CABYR: variants seen among roughly 807,000 people sequenced by gnomAD.
The protein encoded by CABYR is calcium binding tyrosine phosphorylation regulated.
A neutral mutation model predicts 36.1 loss-of-function variants in CABYR; 31 were observed. The observed-to-expected ratio is 0.86, with a 90% CI of 0.64 to 1.16. The LOEUF (loss-of-function observed/expected upper bound fraction) is 1.16. Among genes scored for constraint, CABYR ranks in the 50% most tolerant of loss-of-function variants. CABYR has a pLI of 0.00. For synonymous variants in CABYR, 146 were observed against 160.7 expected (o/e 0.91, Z 0.69); for missense variants, 429 against 455.8 (o/e 0.94, Z 0.53).
intron 4 of CABYR, chr18:24,156,811 G>T (rs772026581): frequency 6.2e-7 from 1 of 1,614,036 alleles, no homozygotes; most frequent in South Asian, 1.1e-5. Context: ...GAGGAGTCTG[G>T]GGAAAACTCT....
intron 4 of CABYR, among the ~76,000 whole-genome samples, chr18:24,158,546 G>C (rs1191150461): frequency 6.6e-6 from 1 of 152,100 alleles, no homozygotes; most frequent in Admixed American, 6.6e-5. Flanking sequence ...TCGAACTCCC[G>C]ACCTCAGGTG....
In CABYR at chr18:24,155,226, G is replaced by A. The variant is rs575805710; in HGVS notation, c.200-475G>A. Among the ~76,000 whole-genome samples, 10 of 151,916 alleles carry A rather than the reference G, an allele frequency of 6.6e-5. No individual in the cohort carries two copies. In the East Asian group the frequency reaches 1.9e-3, roughly 29 times the overall value. On this transcript the variant is annotated intron_variant, in intron 3 of 5. Transcript: ENST00000399496. ...AGTTTGATCAGGAGCTTTTTCCATGGAGGTTTTCAGCTTCCTTAGTTCTAG... is the reference window on the plus strand; with the variant it reads ...AGTTTGATCAGGAGCTTTTTCCATGAAGGTTTTCAGCTTCCTTAGTTCTAG...
intron 3 of CABYR, among the ~76,000 whole-genome samples, 187 bp downstream of exon 3, chr18:24,143,600 G>C (rs1037317388): frequency 6.6e-6 from 1 of 151,972 alleles, no homozygotes; most frequent in African/African-American, 2.4e-5. Flanking sequence ...GGAGTGCAGC[G>C]GCGCCGTCAT....
chr18:24,155,404 C>A (rs2085752977), intron 3 of CABYR, among the ~76,000 whole-genome samples: 1 of 152,196 alleles, frequency 6.6e-6, no homozygotes, highest in Non-Finnish European at 1.5e-5. Context: ...ATTACCCACA[C>A]TACAGATGTT....
At chr18:24,145,871 C>A (rs1435256512) in intron 3 of CABYR, among the ~76,000 whole-genome samples, 2 of 152,294 alleles carry the variant, frequency 1.3e-5, no homozygotes, top group Admixed American at 1.3e-4. Flanking sequence ...AGGTCATACA[C>A]TCTGAATGTG....
At chr18:24,150,760 GTTTTTTTGTTTTTTTGTTTTTTGT>G (rs2085602679) in intron 3 of CABYR, 1 of 114,534 alleles carries the variant, frequency 8.7e-6, no homozygotes, top group African/African-American at 4.2e-5. Flanking sequence ...CCCACCTCCA[GTTTTTTTGTTTTTTTGTTTTTTGT>G]TTTTTTTTTT....
At chr18:24,148,917 G>T (rs1037602606) in intron 3 of CABYR, among the ~76,000 whole-genome samples, 1 of 152,164 alleles carries the variant, frequency 6.6e-6, no homozygotes, top group African/African-American at 2.4e-5. Flanking sequence ...AGCTTCCACA[G>T]TGTGGAAGGG....
intron 3 of CABYR, among the ~76,000 whole-genome samples, chr18:24,153,551 GC>G (rs2085692918): frequency 1.3e-5 from 2 of 152,094 alleles, no homozygotes; most frequent in African/African-American, 4.8e-5. Flanking sequence ...TGTGATGGCA[GC>G]CTATTCTTTC....
Position 24,155,816 on chromosome 18 carries a change from AGAC to A in CABYR, c.318_320del (p.Asp106del). The stretch of plus-strand genomic sequence containing the variant: ...CCCAGATGGAAAAATCTACAGACAC[AGAC>A]GAGGACAATGTAACCAGAACAGAAT... On this transcript the variant is annotated inframe_deletion, in exon 4 of 6. Transcript: ENST00000399496. 6.2e-7 allele frequency: 1 copy of A among 1,614,214 alleles called. No homozygotes were observed. Among genetic ancestry groups the A allele is most frequent in the East Asian group, 2.2e-5 (1 of 44,884 alleles).
In CABYR at chr18:24,156,588, G is replaced by A. The variant is rs761634323; in HGVS notation, c.541+546G>A. On this transcript the variant is annotated intron_variant, in intron 4 of 5. Transcript: ENST00000399496. Reference sequence around the variant, plus strand: ...CATGTCTAAAAAATCTGTAGAGTCTGTAAAACTTGCACAGTTGGAGGAGAA... The same window carrying A: ...CATGTCTAAAAAATCTGTAGAGTCTATAAAACTTGCACAGTTGGAGGAGAA... 10 of 1,614,084 alleles carry A rather than the reference G, an allele frequency of 6.2e-6. No individual in the cohort carries two copies. In the South Asian group the frequency reaches 6.6e-5, roughly 11 times the overall value.
intron 3 of CABYR, among the ~76,000 whole-genome samples, chr18:24,143,906 T>C (rs2085391798): frequency 6.6e-6 from 1 of 151,516 alleles, no homozygotes; most frequent in African/African-American, 2.4e-5. Context: ...AGGTTTTTTT[T>C]TTTTCCTTTG....
chr18:24,146,545 TAA>T (rs377589563), intron 3 of CABYR, among the ~76,000 whole-genome samples: 3 of 139,474 alleles, frequency 2.2e-5, no homozygotes. Flanking sequence ...CAAGACTGTC[TAA>T]AAAAAAAAAA....
chr18:24,160,365 AGATGC>A (rs1939190741), intron 5 of CABYR: 1 of 320,466 alleles, frequency 3.1e-6, no homozygotes, highest in Non-Finnish European at 5.7e-6. Context: ...ACACAGTGGT[AGATGC>A]GAAAAGGGGA....
intron 1 of CABYR, among the ~76,000 whole-genome samples, chr18:24,140,929 C>G (rs980090859): frequency 6.6e-6 from 1 of 152,086 alleles, no homozygotes; most frequent in African/African-American, 2.4e-5. Flanking sequence ...ACCACATTTT[C>G]TTTATCCATT....
At chr18:24,154,351 A>G (rs1296510731) in intron 3 of CABYR, among the ~76,000 whole-genome samples, 1 of 152,150 alleles carries the variant, frequency 6.6e-6, no homozygotes, top group Non-Finnish European at 1.5e-5. Flanking sequence ...GGCTTTCCTA[A>G]AAACTGGATG....
In CABYR at chr18:24,159,569, G is replaced by A. The variant is rs111476040; in HGVS notation, c.639G>A (p.Pro213=). The A allele has an allele frequency of 6.4e-4, 1,037 of 1,613,760 alleles. 4 individuals carry two copies. In the African/African-American group the frequency reaches 0.012, roughly 19 times the overall value. Residue 213 remains proline, a synonymous_variant, in exon 5 of 6, where the codon CCG becomes CCA. Coordinates refer to ENST00000399496, the MANE Select transcript of CABYR (RefSeq NM_153769.3). ...AGAATCAACAAGGTCACCCATCACC[G>A]CCACCTGCACCTGGGCCTTTTCCCC... The part of the protein sequence containing the change: ...TDKNQQGHPS[P]PPAPGPFPQA...
chr18:24,158,610 G>A (rs1398845728), intron 4 of CABYR, among the ~76,000 whole-genome samples: 10 of 152,124 alleles, frequency 6.6e-5, no homozygotes, highest in Admixed American at 5.2e-4. Flanking sequence ...GAGCCACTGC[G>A]CCCGGCCCGT....
At chr18:24,147,302 A>G (rs2085484562) in intron 3 of CABYR, among the ~76,000 whole-genome samples, 1 of 151,500 alleles carries the variant, frequency 6.6e-6, no homozygotes, top group Admixed American at 6.6e-5. Flanking sequence ...ATACAAGGGA[A>G]CTTCCTAAAT....
chr18:24,158,114 T>TTAAC (rs1454217909), intron 4 of CABYR, among the ~76,000 whole-genome samples: 3 of 152,116 alleles, frequency 2.0e-5, no homozygotes, highest in Non-Finnish European at 4.4e-5. Flanking sequence ...TTTCAAATGC[T>TTAAC]TAACTATTTC....
Sources: allele counts gnomAD v4.1 joint callset (sites outside exome capture counted in the v4.1 genomes callset), GRCh38; gene constraint gnomAD v4.1.1; transcripts MANE v1.5; gene names NCBI Gene and HGNC (gene_info 2026-07-23, HGNC 2026-07-21).